The following MX2 variants were observed in gnomAD, a reference collection of about 807,000 sequenced individuals.
The protein encoded by MX2 is interferon-induced GTP-binding protein Mx2.
MX2 carries 51 observed loss-of-function variants against 74.0 expected under a neutral mutation model. The ratio of observed to expected loss-of-function variants is 0.69; its 90% confidence interval spans 0.55 to 0.87. The LOEUF is 0.87. MX2 is among the 40% of genes least tolerant of loss of function. The pLI is 0.00. For synonymous variants in MX2, 369 were observed against 339.3 expected (o/e 1.09, Z -0.96); for missense variants, 832 against 908.7 (o/e 0.92, Z 1.09).
chr21:41,408,199 C>T lies in MX2; in HGVS notation c.2114C>T (p.Ala705Val), dbSNP rs1288476251. Residue 705 changes from alanine to valine, a missense_variant, in exon 14 of 14, where the codon GCA (alanine) becomes GTA (valine). By Grantham distance (64) the Ala-to-Val change is moderately conservative. Transcript: ENST00000330714. ...RIYRLTQARHALCQFSSKEIH is the reference protein window; with the variant it reads ...RIYRLTQARHVLCQFSSKEIH ...TACCGGCTCACTCAGGCGCGACACG[C>T]ACTCTGTCAATTCTCCAGCAAAGAG... 5 of 1,614,184 alleles carry T rather than the reference C, an allele frequency of 3.1e-6. No homozygotes were observed. Among genetic ancestry groups the T allele is most frequent in the Non-Finnish European group, 4.2e-6 (5 of 1,180,034 alleles).
Position 41,395,723 on chromosome 21 carries a change from G to A in MX2, c.1008G>A (p.Arg336=), listed in dbSNP as rs534881244. Residue 336 remains arginine (R), a synonymous_variant, in exon 7 of 14, where the codon AGG becomes AGA. Coordinates refer to ENST00000330714, the MANE Select transcript of MX2 (RefSeq NM_002463.2). ...GGGGCCAGCAGGAGATCACAAACAG[G>A]CTGAGCTTGGCAGAGGCAACCAAGA... is the stretch of plus-strand genomic sequence containing the variant. ...KCRGQQEITN[R]LSLAEATKKE... 6.2e-7 allele frequency: 1 copy of A among 1,614,078 alleles called. No homozygotes were observed. The highest frequency in any genetic ancestry group is 1.3e-5 in the African/African-American group (1 of 74,922).
intron 6 of MX2, among the ~76,000 whole-genome samples, 180 bp from the exon 7 acceptor site, chr21:41,395,407 C>T (rs1049822320): frequency 6.6e-6 from 1 of 151,996 alleles, no homozygotes; most frequent in Non-Finnish European, 1.5e-5. Context: ...GGTGAGATAG[C>T]GAGCCAATAG....
In MX2 at chr21:41,395,660, G is replaced by T. The variant is rs781267325; in HGVS notation, c.945G>T (p.Thr315=). The part of the protein sequence containing the change: ...KSVMNVVRNL[T]YPLKKGYMIV... ...TCATGAATGTGGTGCGGAACCTCACGTACCCCCTCAAGAAGGGCTACATGA... is the reference window on the plus strand; with the variant it reads ...TCATGAATGTGGTGCGGAACCTCACTTACCCCCTCAAGAAGGGCTACATGA... Residue 315 remains threonine, a synonymous_variant, in exon 7 of 14, where the codon ACG becomes ACT. Coordinates refer to ENST00000330714, the MANE Select transcript of MX2 (RefSeq NM_002463.2). 6.2e-7 allele frequency: 1 copy of T among 1,614,150 alleles called. No homozygotes were observed. Among genetic ancestry groups the T allele is most frequent in the Non-Finnish European group, 8.5e-7 (1 of 1,180,036 alleles).
intron 5 of MX2, among the ~76,000 whole-genome samples, chr21:41,385,404 G>A (rs1057014584): frequency 9.2e-5 from 14 of 152,226 alleles, no homozygotes; most frequent in South Asian, 2.1e-4. Flanking sequence ...GGTCTTTCCC[G>A]TGCTGTTCTC....
intron 6 of MX2, among the ~76,000 whole-genome samples, chr21:41,393,128 A>AAAAAAAAAG (rs2089685157): frequency 7.1e-6 from 1 of 139,936 alleles, no homozygotes; most frequent in African/African-American, 3.0e-5. Context: ...AAAAAAAAAA[A>AAAAAAAAAG]AAAGAAAGAA....
Position 41,363,126 on chromosome 21 carries a change from A to G in MX2, c.-72+1071A>G, listed in dbSNP as rs2042411291. The G allele has an allele frequency of 6.6e-6, 1 of 152,098 alleles. No individual in the cohort carries two copies. Among genetic ancestry groups the G allele is most frequent in the Non-Finnish European group, 1.5e-5 (1 of 67,994 alleles). The allele number at this position is 152,098 out of a possible 1,614,324, so 9.4% of individuals were successfully genotyped here. A position where few individuals can be genotyped will look rare whatever the true frequency, so the allele number is the denominator to read the frequency against. Reference sequence around the variant, plus strand: ...TAGAATGTTGTCTCTAGCTGTTTAAAAAGATCAGGATTCCAAGCTATCTTT... The same window carrying G: ...TAGAATGTTGTCTCTAGCTGTTTAAGAAGATCAGGATTCCAAGCTATCTTT... On this transcript the variant is annotated intron_variant, in intron 1 of 13. Transcript: ENST00000330714. This position sits in a 1 kb window ranked among gnomAD's most constrained non-coding sequence, Gnocchi z 4.2.
chr21:41,384,569 CT>C (rs755908895), intron 5 of MX2, among the ~76,000 whole-genome samples: 23 of 152,162 alleles, frequency 1.5e-4, no homozygotes, highest in Non-Finnish European at 2.9e-4. Context: ...GCCACGTGCC[CT>C]ATGGGACTGG....
rs774353655 is a variant in MX2 at position 41,380,017 on chromosome 21, G to A, written c.443G>A (p.Gly148Glu). ...LSGVALPRGSGIVTRCPLVLK... is the reference protein window; with the variant it reads ...LSGVALPRGSEIVTRCPLVLK... ...GATATTTGGGGAACCTCTCGCTCAG[G>A]AATCGTAACCAGGTGTCCGCTGGTG... Residue 148 changes from glycine to glutamate, a missense_variant and splice_region_variant, in exon 4 of 14, where the codon GGA becomes GAA. Physicochemically the swap from Gly to Glu is moderately conservative, Grantham distance 98. Transcript: ENST00000330714. This position sits in a 1 kb window ranked among gnomAD's most constrained non-coding sequence, Gnocchi z 4.3. 1 of 1,613,814 alleles carries A rather than the reference G, an allele frequency of 6.2e-7. No homozygotes were observed. The highest frequency in any genetic ancestry group is 1.3e-5 in the African/African-American group (1 of 75,036).
intron 5 of MX2, among the ~76,000 whole-genome samples, chr21:41,384,673 GGT>G (rs536885933): frequency 2.3e-3 from 356 of 152,066 alleles, no homozygotes; most frequent in Non-Finnish European, 3.4e-3. Context: ...TATCTGAAAG[GGT>G]GGCAGTATAC....
chr21:41,390,415 T>C (rs2089641308), intron 5 of MX2, 150 bp from the exon 6 acceptor site: 6 of 1,149,614 alleles, frequency 5.2e-6, no homozygotes, highest in Non-Finnish European at 7.6e-6. Flanking sequence ...GGGGCAGGCA[T>C]TCCCAGGACG....
In MX2 at chr21:41,382,497, C is replaced by T. The variant is rs1187092680; in HGVS notation, c.665C>T (p.Thr222Ile). Residue 222 changes from threonine (T) to isoleucine (I), a missense_variant, in exon 5 of 14, where the codon ACC becomes ATC. Physicochemically the swap from Thr to Ile is moderately conservative, Grantham distance 89 (BLOSUM62 -1). Coordinates refer to ENST00000330714, the MANE Select transcript of MX2 (RefSeq NM_002463.2). ...EITSPEVPDL[T>I]IIDLPGITRV... Reference sequence around the variant, plus strand: ...ACCTCCCCTGAGGTTCCAGACCTGACCATCATTGACCTTCCCGGCATCACC... The same window carrying T: ...ACCTCCCCTGAGGTTCCAGACCTGATCATCATTGACCTTCCCGGCATCACC... 1 of 1,614,230 alleles carries T rather than the reference C, an allele frequency of 6.2e-7. No individual in the cohort carries two copies.
chr21:41,371,079 G>T (rs945692631), intron 1 of MX2, among the ~76,000 whole-genome samples: 6 of 152,230 alleles, frequency 3.9e-5, no homozygotes, highest in African/African-American at 1.4e-4. Flanking sequence ...TTGCAGGATT[G>T]AAATCTGATC....
chr21:41,395,518 C>T, intron 6 of MX2, 69 bp from the exon 7 acceptor site: 1 of 1,479,038 alleles, frequency 6.8e-7, no homozygotes, highest in African/African-American at 1.4e-5. Context: ...AGCCCATAGT[C>T]CAGTAGGAGT....
At chr21:41,365,132 TA>T (rs1249032582) in intron 1 of MX2, 9 of 152,268 alleles carry the variant, frequency 5.9e-5, no homozygotes, top group African/African-American at 2.2e-4. Context: ...CAGATGTAAT[TA>T]AAGACGAGGT....
intron 6 of MX2, among the ~76,000 whole-genome samples, chr21:41,394,480 G>A (rs113290831): frequency 7.3e-4 from 111 of 152,196 alleles, no homozygotes; most frequent in African/African-American, 2.2e-3. Flanking sequence ...CGCTGCCCAC[G>A]GTCATTTGCC....
At chr21:41,395,951 A>C (rs1267832597) in intron 7 of MX2, among the ~76,000 whole-genome samples, 166 bp downstream of exon 7, 2 of 152,178 alleles carry the variant, frequency 1.3e-5, no homozygotes, top group African/African-American at 4.8e-5. Context: ...TAGACAAATT[A>C]TTGTTTCTTA....
At chr21:41,391,356 C>T (rs1441225111) in intron 6 of MX2, among the ~76,000 whole-genome samples, 1 of 151,568 alleles carries the variant, frequency 6.6e-6, no homozygotes, top group African/African-American at 2.4e-5. Flanking sequence ...TCGCCATAAA[C>T]TCAGATAATC....
chr21:41,398,381 T>C (rs2089763285), intron 8 of MX2, among the ~76,000 whole-genome samples: 1 of 152,240 alleles, frequency 6.6e-6, no homozygotes. Flanking sequence ...TCCATTTTTA[T>C]GGATTCTCAA....
chr21:41,365,207 GTTTGT>G (rs1278647964), intron 1 of MX2: 1 of 22,700 alleles, frequency 4.4e-5, no homozygotes, highest in Admixed American at 7.7e-4. Context: ...AGGAAAATTT[GTTTGT>G]TTGTTTGTTT....
Sources: allele counts gnomAD v4.1 joint callset (sites outside exome capture counted in the v4.1 genomes callset), GRCh38; gene constraint gnomAD v4.1.1; non-coding constraint Gnocchi (gnomAD v3.1); transcripts MANE v1.5; gene names NCBI Gene and HGNC (gene_info 2026-07-23, HGNC 2026-07-21).